The following TM7SF3 variants were observed in gnomAD, a reference collection of about 807,000 sequenced individuals.
TM7SF3 encodes transmembrane 7 superfamily member 3.
In TM7SF3, 60 loss-of-function variants were observed where a neutral mutation model predicts 65.5. That is an observed-to-expected ratio of 0.92 (90% CI 0.74 to 1.14). TM7SF3 has a LOEUF of 1.14. Ranked by LOEUF, TM7SF3 falls within the 50% of genes most tolerant of loss-of-function variation. The pLI is 0.00. For missense variants in TM7SF3, 623 were observed against 684.8 expected (o/e 0.91, Z 1.01); for synonymous variants, 264 against 259.6 (o/e 1.02, Z -0.16).
intron 10 of TM7SF3, among the ~76,000 whole-genome samples, chr12:26,975,960 A>G (rs1359051960): frequency 3.3e-5 from 5 of 152,256 alleles, no homozygotes; most frequent in Non-Finnish European, 5.9e-5. Flanking sequence ...AAGCCAGTTG[A>G]AACTAATGAC....
chr12:26,990,751 C>T, intron 5 of TM7SF3, 124 bp from the exon 6 acceptor site: 1 of 691,572 alleles, frequency 1.4e-6, no homozygotes, highest in South Asian at 2.1e-5. Flanking sequence ...TTAAAATATA[C>T]ACCAACCCAT....
chr12:26,975,977 G>A (rs911867893), intron 10 of TM7SF3, among the ~76,000 whole-genome samples: 1 of 152,180 alleles, frequency 6.6e-6, no homozygotes, highest in Non-Finnish European at 1.5e-5. Context: ...TGACCCATCA[G>A]GTTGGTGTAC....
At chr12:26,990,338 G>C in intron 6 of TM7SF3, 112 bp downstream of exon 6, 1 of 734,628 alleles carries the variant, frequency 1.4e-6, no homozygotes, top group Non-Finnish European at 2.3e-6. Flanking sequence ...AGAACAGAGA[G>C]TGGAATAACG....
At chr12:26,977,683 G>A (rs1326669912) in intron 9 of TM7SF3, among the ~76,000 whole-genome samples, 1 of 152,198 alleles carries the variant, frequency 6.6e-6, no homozygotes, top group Non-Finnish European at 1.5e-5. Flanking sequence ...GAACTCGGGA[G>A]GTGGAGGTTG....
At chr12:26,999,805 T>A in intron 2 of TM7SF3, 129 bp from the exon 3 acceptor site, 1 of 904,344 alleles carries the variant, frequency 1.1e-6, no homozygotes, top group Non-Finnish European at 1.6e-6. Flanking sequence ...CTTCCTTAAA[T>A]AACCAGGGAA....
chr12:27,008,581 C>A (rs919652599), intron 1 of TM7SF3, among the ~76,000 whole-genome samples: 1 of 152,050 alleles, frequency 6.6e-6, no homozygotes, highest in Non-Finnish European at 1.5e-5. Flanking sequence ...TTAAAGAAAT[C>A]TTTGTCAACA....
intron 6 of TM7SF3, among the ~76,000 whole-genome samples, chr12:26,984,962 T>TA (rs968635709): frequency 8.5e-5 from 13 of 152,310 alleles, no homozygotes; most frequent in Admixed American, 4.6e-4. Flanking sequence ...ATAGTCTCCC[T>TA]ACTCCAAGCT....
chr12:26,972,648 C>T lies in TM7SF3; in HGVS notation c.*1317G>A, dbSNP rs1277889532. The T allele has an allele frequency of 6.6e-6, 1 of 152,030 alleles. No individual in the cohort carries two copies. Among genetic ancestry groups the T allele is most frequent in the East Asian group, 1.9e-4 (1 of 5,192 alleles). The allele number at this position is 152,030 out of a possible 1,614,324, so 9.4% of individuals were successfully genotyped here. On this transcript the variant is annotated 3_prime_UTR_variant, in exon 12 of 12. Transcript: ENST00000343028. ...TTCTACTATACTATAGTAGAGACCA[C>T]TATGTTGGCCAGGCTGGTCTCGAAC...
At chr12:26,986,777 C>T (rs1940119291) in intron 6 of TM7SF3, among the ~76,000 whole-genome samples, 1 of 152,180 alleles carries the variant, frequency 6.6e-6, no homozygotes, top group Non-Finnish European at 1.5e-5. Context: ...CAGGCGCCTA[C>T]CCCACCTCTC....
chr12:26,981,752 C>T (rs1243625490), intron 7 of TM7SF3, among the ~76,000 whole-genome samples: 1 of 152,196 alleles, frequency 6.6e-6, no homozygotes, highest in Non-Finnish European at 1.5e-5. Context: ...CTCAGTTATA[C>T]AACTTGTTGA....
chr12:26,976,476 T>C (rs562667592), intron 9 of TM7SF3, 119 bp from the exon 10 acceptor site: 4 of 657,244 alleles, frequency 6.1e-6, no homozygotes, highest in East Asian at 2.7e-5. Context: ...AGGGAATATG[T>C]TGGCAACTAG....
At chr12:27,001,229 T>C (rs921787589) in intron 2 of TM7SF3, among the ~76,000 whole-genome samples, 24 of 152,072 alleles carry the variant, frequency 1.6e-4, no homozygotes, top group Admixed American at 1.4e-3. Flanking sequence ...CTAAGTAATA[T>C]AACAGTGGGA....
At position 26,999,651 on chromosome 12, in the gene TM7SF3, G is replaced by C. The variant is rs1222894123; in HGVS notation, c.272C>G (p.Thr91Arg). The C allele has an allele frequency of 4.0e-5, 65 of 1,613,978 alleles. No individual in the cohort carries two copies. The highest frequency in any genetic ancestry group is 5.5e-5 in the Non-Finnish European group (65 of 1,180,034). ...SPTLLSNSSE[T>R]GTASGLVFIL... is the part of the protein sequence containing the mutation. The stretch of plus-strand genomic sequence containing the variant: ...GAAAACCAGTCCACTGGCAGTGCCT[G>C]TTTCCGAGGAATTGGAAAGGAGAGT... Residue 91 changes from threonine (T) to arginine (R), a missense_variant, in exon 3 of 12, where the codon ACA becomes AGA. Thr to Arg is a moderately conservative substitution (Grantham distance 71, BLOSUM62 -1). Transcript: ENST00000343028.
intron 5 of TM7SF3, among the ~76,000 whole-genome samples, chr12:26,993,831 G>C (rs1409174284): frequency 1.3e-5 from 2 of 152,196 alleles, no homozygotes; most frequent in African/African-American, 4.8e-5. Context: ...CTTTAAAAAG[G>C]CAAGCTAAAT....
At chr12:26,982,016 T>A (rs1939837885) in intron 7 of TM7SF3, among the ~76,000 whole-genome samples, 1 of 152,094 alleles carries the variant, frequency 6.6e-6, no homozygotes, top group Non-Finnish European at 1.5e-5. Context: ...CACACATATT[T>A]TTACAAAGAC....
At chr12:26,975,899 A>AGTATT in intron 10 of TM7SF3, 1 of 539,568 alleles carries the variant, frequency 1.9e-6, no homozygotes. Context: ...TATCTTCCAT[A>AGTATT]TGAAGGAACT....
chr12:27,013,046 A>C (rs766087754), intron 1 of TM7SF3: 1 of 192,824 alleles, frequency 5.2e-6, no homozygotes, highest in Non-Finnish European at 1.1e-5. Context: ...TGGTGTACTC[A>C]TAGGGAGCCA....
rs540764849 is a variant in TM7SF3 at position 26,979,773 on chromosome 12, A to G, written c.1189+11T>C. ...CTCGAACACACAAAACATCTGTTAC[A>G]TATCGCCTACCCAGTGGAGTAAAGA... is the stretch of plus-strand genomic sequence containing the variant. On this transcript the variant is annotated intron_variant, in intron 9 of 11. Transcript: ENST00000343028. 6.2e-6 allele frequency: 10 copies of G among 1,613,730 alleles called. No individual in the cohort carries two copies. In the African/African-American group the frequency reaches 8.0e-5, roughly 13 times the overall value.
At chr12:26,976,411 T>A in intron 9 of TM7SF3, 54 bp from the exon 10 acceptor site, 1 of 1,251,222 alleles carries the variant, frequency 8.0e-7, no homozygotes, top group Non-Finnish European at 1.2e-6. Flanking sequence ...AAGTTAGAGT[T>A]GGTTTCTTGG....
Sources: allele counts gnomAD v4.1 joint callset (sites outside exome capture counted in the v4.1 genomes callset), GRCh38; gene constraint gnomAD v4.1.1; transcripts MANE v1.5; gene names NCBI Gene and HGNC (gene_info 2026-07-23, HGNC 2026-07-21).